ANKRD28: variants seen among roughly 807,000 people sequenced by gnomAD.
ANKRD28 encodes the protein ankyrin repeat domain 28.
Under a neutral mutation model 126.5 loss-of-function variants are expected in ANKRD28, and 44 were observed. The ratio of observed to expected loss-of-function variants is 0.35; its 90% CI spans 0.27 to 0.45. ANKRD28 has a LOEUF of 0.45. Ranked by LOEUF, ANKRD28 falls within the 20% of genes least tolerant of loss-of-function variation. ANKRD28 has a pLI of 1.00. For missense variants in ANKRD28, 1,110 were observed against 1,316.6 expected (o/e 0.84, Z 2.43); for synonymous variants, 442 against 468.5 (o/e 0.94, Z 0.73).
At chr3:15,709,394 T>A (rs915930314) in intron 13 of ANKRD28, among the ~76,000 whole-genome samples, 24 of 152,078 alleles carry the variant, frequency 1.6e-4, no homozygotes, top group Admixed American at 4.6e-4. Context: ...TCCATAGTCA[T>A]AATTTTTGGA....
chr3:15,676,065 G>C, intron 26 of ANKRD28, 76 bp from the exon 27 acceptor site: 3 of 1,242,474 alleles, frequency 2.4e-6, no homozygotes, highest in East Asian at 2.5e-5. Context: ...GGCTGTCAAA[G>C]AGCATTTTTG....
rs1180327596 is a variant in ANKRD28, at chr3:15,690,063, A to G, written c.1919T>C (p.Leu640Ser). ...CCTCTTCAAAATGTAATCTTTTACTAAGATTGAGGCTCCCTGATTAATGAG... is the reference window on the plus strand; with the variant it reads ...CCTCTTCAAAATGTAATCTTTTACTGAGATTGAGGCTCCCTGATTAATGAG... ...DVLINQGASI[L>S]VKDYILKRTP... Residue 640 changes from leucine (L) to serine (S), a missense_variant, in exon 18 of 28, where the codon TTA becomes TCA. Coordinates refer to ENST00000683139, the MANE Select transcript of ANKRD28 (RefSeq NM_001349278.2). 1 of 1,612,144 alleles carries G rather than the reference A, an allele frequency of 6.2e-7. No individual in the cohort carries two copies.
At chr3:15,677,780 A>G (rs1290658192) in intron 24 of ANKRD28, among the ~76,000 whole-genome samples, 1 of 152,208 alleles carries the variant, frequency 6.6e-6, no homozygotes, top group Non-Finnish European at 1.5e-5. Flanking sequence ...AATGGCAATT[A>G]ACATTTATTT....
At chr3:15,739,651 C>T (rs190373884) in intron 4 of ANKRD28, among the ~76,000 whole-genome samples, 6 of 152,212 alleles carry the variant, frequency 3.9e-5, no homozygotes, top group Admixed American at 3.9e-4. Context: ...AACTAATGTA[C>T]ATGAAAAGTG....
intron 1 of ANKRD28, among the ~76,000 whole-genome samples, chr3:15,828,748 C>T (rs2061125819): frequency 6.6e-6 from 1 of 152,134 alleles, no homozygotes; most frequent in Non-Finnish European, 1.5e-5. Flanking sequence ...AGGTTTGCAC[C>T]ACGCTGCACT....
chr3:15,684,761 C>A, intron 21 of ANKRD28: 1 of 154,824 alleles, frequency 6.5e-6, no homozygotes, highest in Non-Finnish European at 1.4e-5. Flanking sequence ...TACAAGCACA[C>A]TATATAAAAG....
At chr3:15,685,551 T>C in intron 20 of ANKRD28, 106 bp from the exon 21 acceptor site, 1 of 952,538 alleles carries the variant, frequency 1.0e-6, no homozygotes, top group Admixed American at 2.4e-5. Context: ...TATCCTTCCA[T>C]CAATTAAAGC....
At chr3:15,799,560 T>C (rs1050996146), upstream of ANKRD28, among the ~76,000 whole-genome samples, 3 of 152,092 alleles carry the variant, frequency 2.0e-5, no homozygotes, top group East Asian at 1.9e-4. Context: ...CATCTCCACA[T>C]AGCTGAATCA....
intron 1 of ANKRD28, among the ~76,000 whole-genome samples, chr3:15,806,663 A>C (rs538522867): frequency 9.2e-5 from 14 of 152,238 alleles, no homozygotes; most frequent in Non-Finnish European, 1.9e-4. Flanking sequence ...CTGGGATTAC[A>C]GGCGCATGCC....
intron 2 of ANKRD28, among the ~76,000 whole-genome samples, chr3:15,776,494 A>G (rs2059277309): frequency 6.6e-6 from 1 of 152,232 alleles, no homozygotes; most frequent in Non-Finnish European, 1.5e-5. Flanking sequence ...ATACTGTATG[A>G]TCCATTTGAT....
chr3:15,723,747 G>A (rs2073958409), intron 7 of ANKRD28, among the ~76,000 whole-genome samples: 1 of 151,982 alleles, frequency 6.6e-6, no homozygotes, highest in African/African-American at 2.4e-5. Context: ...CTACAGCCTG[G>A]GAGACAGAGA....
At chr3:15,750,053 T>C (rs1168662458) in intron 4 of ANKRD28, among the ~76,000 whole-genome samples, 1 of 152,238 alleles carries the variant, frequency 6.6e-6, no homozygotes, top group Non-Finnish European at 1.5e-5. Flanking sequence ...GCTGAGCACA[T>C]AGTTTTTAAA....
chr3:15,680,553 A>G (rs2067430582), intron 21 of ANKRD28, among the ~76,000 whole-genome samples: 1 of 152,170 alleles, frequency 6.6e-6, no homozygotes, highest in Non-Finnish European at 1.5e-5. Context: ...GTATCAAAGT[A>G]TATCATAAAT....
chr3:15,674,174 C>CAAAAAAAAAAAAAAA lies in ANKRD28; in HGVS notation c.2965+1709_2965+1723dup, dbSNP rs34806568. The stretch of plus-strand genomic sequence containing the variant: ...GCAACAGAGTGAGACCCTGCCTCTT[C>CAAAAAAAAAAAAAAA]AAAAAAAAAAAAAAAAAAAAAAAAG... On this transcript the variant is annotated intron_variant, in intron 27 of 27. Coordinates refer to ENST00000683139, the MANE Select transcript of ANKRD28 (RefSeq NM_001349278.2). 2.5e-4 allele frequency among the ~76,000 whole-genome samples: 10 copies of CAAAAAAAAAAAAAAA among 40,284 alleles called. 1 individual carries two copies. Among genetic ancestry groups the CAAAAAAAAAAAAAAA allele is most frequent in the Admixed American group, 4.4e-4 (1 of 2,254 alleles). The allele number at this position is 40,284 out of a possible 152,430, so 26.4% of individuals were successfully genotyped here. A position where few individuals can be genotyped will look rare whatever the true frequency, so the allele number is the denominator to read the frequency against.
At position 15,722,927 on chromosome 3, in the gene ANKRD28, T is replaced by TA. The variant is rs1287266444; in HGVS notation, c.783+1454dup. ...AGTTTGTGGTAATTCTCTACGAAACTAAAAAAAAAACAAAAAACAAAAAAA... is the reference window on the plus strand; with the variant it reads ...AGTTTGTGGTAATTCTCTACGAAACTAAAAAAAAAAACAAAAAACAAAAAAA... On this transcript the variant is annotated intron_variant, in intron 7 of 27. Coordinates refer to ENST00000683139, the MANE Select transcript of ANKRD28 (RefSeq NM_001349278.2). Among the ~76,000 whole-genome samples the TA allele has an allele frequency of 8.5e-4, 124 of 145,280 alleles. 1 individual carries two copies. Among genetic ancestry groups the TA allele is most frequent in the Non-Finnish European group, 1.1e-3 (75 of 65,794 alleles).
In ANKRD28 at chr3:15,695,181, T is replaced by G; in HGVS notation, c.1686+7A>C. 1.3e-6 allele frequency: 2 copies of G among 1,593,614 alleles called. No homozygotes were observed. Among genetic ancestry groups the G allele is most frequent in the Non-Finnish European group, 1.7e-6 (2 of 1,166,302 alleles). On this transcript the variant is annotated splice_region_variant and intron_variant, in intron 16 of 27. Coordinates refer to ENST00000683139, the MANE Select transcript of ANKRD28 (RefSeq NM_001349278.2). ...TAATTGGTGGGAGGGAATTGACTAA[T>G]ACTTACAACATCTAGAGGAGTTTCA... is the stretch of plus-strand genomic sequence containing the variant.
At chr3:15,678,905 T>C (rs1160668969) in intron 23 of ANKRD28, among the ~76,000 whole-genome samples, 1 of 152,236 alleles carries the variant, frequency 6.6e-6, no homozygotes, top group Non-Finnish European at 1.5e-5. Flanking sequence ...CAACTTTTAA[T>C]AATGGGTTTT....
chr3:15,712,566 T>TG (rs1174090378), intron 10 of ANKRD28, among the ~76,000 whole-genome samples: 1 of 152,188 alleles, frequency 6.6e-6, no homozygotes, highest in African/African-American at 2.4e-5. Flanking sequence ...CCCCAAATTG[T>TG]GACAACCAAA....
At chr3:15,785,828 A>C (rs2059753965) in intron 2 of ANKRD28, among the ~76,000 whole-genome samples, 1 of 152,110 alleles carries the variant, frequency 6.6e-6, no homozygotes, top group African/African-American at 2.4e-5. Flanking sequence ...AGGTGAATGG[A>C]TAAACTGTGG....
Sources: gnomAD v4.1 joint callset for allele counts (sites outside exome capture counted in the v4.1 genomes callset) on GRCh38, gnomAD v4.1.1 for gene constraint, MANE v1.5 for transcripts, NCBI Gene and HGNC (gene_info 2026-07-23, HGNC 2026-07-21) for gene names.